The following SEC61A2 variants were observed in gnomAD, a reference collection of about 807,000 sequenced individuals.
The protein encoded by SEC61A2 is protein transport protein Sec61 subunit alpha isoform 2.
In SEC61A2, 28 loss-of-function variants were observed where a neutral mutation model predicts 59.9. That is an observed-to-expected ratio of 0.47 (90% CI 0.35 to 0.64). SEC61A2 has a LOEUF of 0.64. SEC61A2 is among the 30% of genes least tolerant of loss of function. The pLI is 0.01. For missense variants in SEC61A2, 340 were observed against 585.9 expected, an observed-to-expected ratio of 0.58 and a Z score of 4.33; for synonymous variants, 202 against 214.4, an observed-to-expected ratio of 0.94 and a Z score of 0.50.
intron 11 of SEC61A2, among the ~76,000 whole-genome samples, chr10:12,163,708 T>C (rs1213986245): frequency 6.6e-6 from 1 of 152,146 alleles, no homozygotes; most frequent in East Asian, 1.9e-4. Context: ...CCTTAAACTT[T>C]TTATTTATTT....
At chr10:12,148,214 C>A (rs1294900291) in intron 4 of SEC61A2, among the ~76,000 whole-genome samples, 1 of 149,704 alleles carries the variant, frequency 6.7e-6, no homozygotes, top group Non-Finnish European at 1.5e-5. Flanking sequence ...GCTGGGATTA[C>A]AGGCGTGAGC....
At position 12,157,891 on chromosome 10, in the gene SEC61A2, TCC is replaced by T; in HGVS notation, c.778-16_778-15del. ...ATGTGTCTGGCTCCCCCACTTACTC[TCC>T]GTTTCCTTTTTTAGGGATTTCGCGT... On this transcript the variant is annotated splice_polypyrimidine_tract_variant and intron_variant, in intron 8 of 11. Transcript: ENST00000298428. 1 of 1,613,298 alleles carries T rather than the reference TCC, an allele frequency of 6.2e-7. No homozygotes were observed. Among genetic ancestry groups the T allele is most frequent in the Non-Finnish European group, 8.5e-7 (1 of 1,179,306 alleles).
At position 12,164,933 on chromosome 10, in the gene SEC61A2, C is replaced by A; in HGVS notation, c.*479C>A. On this transcript the variant is annotated 3_prime_UTR_variant, in exon 12 of 12. Transcript: ENST00000298428. This position sits in a 1 kb window ranked among gnomAD's most constrained non-coding sequence, Gnocchi z 7.3. ...ACTTTTTTAACTCATGGTATCCCCA[C>A]TCCCCACCCCCACCTCATTTTTATT... 1.0e-6 allele frequency: 1 copy of A among 977,642 alleles called. No individual in the cohort carries two copies. The highest frequency in any genetic ancestry group is 4.7e-5 in the South Asian group (1 of 21,128). The allele number at this position is 977,642 out of a possible 1,614,324, so 60.6% of individuals were successfully genotyped here.
chr10:12,166,472 T>C (rs968381436), downstream of SEC61A2: 12 of 247,688 alleles, frequency 4.8e-5, no homozygotes, highest in African/African-American at 2.7e-4. Context: ...TTGTTTTATC[T>C]TTAGGAAGTC....
At position 12,161,769 on chromosome 10, in the gene SEC61A2, A is replaced by G. The variant is rs879290615; in HGVS notation, c.1168-444A>G. ...ATAAATAAATAAATAGATAAATAAA[A>G]AATTTTTAAAAAAGTAAAATAAAAC... On this transcript the variant is annotated intron_variant, in intron 10 of 11. Coordinates refer to ENST00000298428, the MANE Select transcript of SEC61A2 (RefSeq NM_018144.4). The surrounding 1 kb of genome is among the most constrained non-coding windows in gnomAD (Gnocchi z 5.4). Among the ~76,000 whole-genome samples the G allele has an allele frequency of 2.0e-5, 3 of 152,110 alleles. No individual in the cohort carries two copies. The highest frequency in any genetic ancestry group is 4.4e-5 in the Non-Finnish European group (3 of 68,024).
In SEC61A2 at chr10:12,162,986, CCACACTTTAT is replaced by C. The variant is rs1834564867; in HGVS notation, c.1244+700_1244+709del. Among the ~76,000 whole-genome samples the C allele has an allele frequency of 6.6e-6, 1 of 152,174 alleles. No homozygotes were observed. Among genetic ancestry groups the C allele is most frequent in the Non-Finnish European group, 1.5e-5 (1 of 68,028 alleles). On this transcript the variant is annotated intron_variant, in intron 11 of 11. Transcript: ENST00000298428. The surrounding 1 kb of genome is among the most constrained non-coding windows in gnomAD (Gnocchi z 6.1). ...AATAATATTCAATTGTAGGGCTTTA[CCACACTTTAT>C]CAGTTGATAGAAATCTGGGTTGTTT...
At chr10:12,144,746 G>C (rs779490670) in intron 4 of SEC61A2, among the ~76,000 whole-genome samples, 1 of 152,154 alleles carries the variant, frequency 6.6e-6, no homozygotes, top group Non-Finnish European at 1.5e-5. Flanking sequence ...TGTGCTTGGT[G>C]TGTTCAAAGA....
downstream of SEC61A2, chr10:12,165,684 G>A (rs1037764390): frequency 6.6e-6 from 1 of 152,220 alleles, no homozygotes; most frequent in Admixed American, 6.5e-5. Flanking sequence ...TTTCCCAAAA[G>A]ATCAAACTTA....
Position 12,161,196 on chromosome 10 carries a change from G to C in SEC61A2, c.1167+75G>C. On this transcript the variant is annotated intron_variant, in intron 10 of 11. Coordinates refer to ENST00000298428, the MANE Select transcript of SEC61A2 (RefSeq NM_018144.4). This position sits in a 1 kb window ranked among gnomAD's most constrained non-coding sequence, Gnocchi z 5.4. ...CGCACATCTGTAATCGTAGCACTTT[G>C]GCAGGCTGAGGCCGCTGGATCGCTT... The C allele has an allele frequency of 8.1e-7, 1 of 1,233,938 alleles. No homozygotes were observed. The highest frequency in any genetic ancestry group is 1.1e-6 in the Non-Finnish European group (1 of 882,584). The allele number at this position is 1,233,938 out of a possible 1,614,324, so 76.4% of individuals were successfully genotyped here. A position where few individuals can be genotyped will look rare whatever the true frequency, so the allele number is the denominator to read the frequency against.
intron 6 of SEC61A2, among the ~76,000 whole-genome samples, chr10:12,151,007 C>G (rs1174549720): frequency 6.6e-6 from 1 of 151,864 alleles, no homozygotes; most frequent in Non-Finnish European, 1.5e-5. Context: ...GAACTCCTGA[C>G]CTCGTGATTC....
Position 12,157,948 on chromosome 10 carries a change from G to A in SEC61A2, c.818G>A (p.Arg273Gln). ...VDLPIKSARY[R>Q]GQYSSYPIKL... ...CTGCCCATTAAGTCGGCCCGTTACC[G>A]AGGACAGTACAGCAGCTACCCCATC... The change falls in exon 9 of 12, where the codon CGA becomes CAA. Residue 273 changes from arginine to glutamine, a missense_variant. This residue lies in a region of SEC61A2 where 283 missense variants were observed against 483.2 expected (regional missense o/e 0.59). Coordinates refer to ENST00000298428, the MANE Select transcript of SEC61A2 (RefSeq NM_018144.4). The A allele has an allele frequency of 1.2e-6, 2 of 1,613,910 alleles. No individual in the cohort carries two copies. Among genetic ancestry groups the A allele is most frequent in the Non-Finnish European group, 1.7e-6 (2 of 1,180,010 alleles).
chr10:12,134,909 A>G, intron 2 of SEC61A2, among the ~76,000 whole-genome samples: 1 of 149,594 alleles, frequency 6.7e-6, no homozygotes, highest in African/African-American at 2.5e-5. Context: ...ACAGGGTGAG[A>G]CTCTGTCTCA....
At position 12,164,586 on chromosome 10, in the gene SEC61A2, T is replaced by C. The variant is rs1158623293; in HGVS notation, c.*132T>C. ...TTTCGAGTGCTGACTGACCCGTTTCTGAAATGGGCACCGAGCTAAGTCTGT... is the reference window on the plus strand; with the variant it reads ...TTTCGAGTGCTGACTGACCCGTTTCCGAAATGGGCACCGAGCTAAGTCTGT... On this transcript the variant is annotated 3_prime_UTR_variant, in exon 12 of 12. Coordinates refer to ENST00000298428, the MANE Select transcript of SEC61A2 (RefSeq NM_018144.4). The surrounding 1 kb of genome is among the most constrained non-coding windows in gnomAD (Gnocchi z 7.3). 1.4e-6 allele frequency: 2 copies of C among 1,463,468 alleles called. No individual in the cohort carries two copies. Among genetic ancestry groups the C allele is most frequent in the Non-Finnish European group, 1.8e-6 (2 of 1,113,706 alleles). 90.7% of individuals were successfully genotyped at this position (1,463,468 alleles called of 1,614,324 possible). A position where few individuals can be genotyped will look rare whatever the true frequency, so the allele number is the denominator to read the frequency against.
At chr10:12,131,079 A>T (rs1311309452) in intron 1 of SEC61A2, among the ~76,000 whole-genome samples, 1 of 152,226 alleles carries the variant, frequency 6.6e-6, no homozygotes, top group Non-Finnish European at 1.5e-5. Context: ...AGGCTGAGGC[A>T]GGAGAATCCC....
chr10:12,167,939 T>G (rs1488168446), downstream of SEC61A2: 12 of 1,346,254 alleles, frequency 8.9e-6, no homozygotes, highest in Non-Finnish European at 1.1e-5. Context: ...GTGATAACGT[T>G]TTTTTTGGTC....
rs1350017211 is a variant in SEC61A2 at position 12,160,248 on chromosome 10, A to G, written c.976-682A>G. Among the ~76,000 whole-genome samples the G allele has an allele frequency of 6.6e-6, 1 of 152,194 alleles. No homozygotes were observed. The highest frequency in any genetic ancestry group is 1.5e-5 in the Non-Finnish European group (1 of 68,024). On this transcript the variant is annotated intron_variant, in intron 9 of 11. Transcript: ENST00000298428. The surrounding 1 kb of genome is among the most constrained non-coding windows in gnomAD (Gnocchi z 4.1). ...GAGATAGTGCTTTTGATCTGGGATT[A>G]ATGATTCTAGGGGCACAGTAAAGAA...
At position 12,136,171 on chromosome 10, in the gene SEC61A2, G is replaced by A; in HGVS notation, c.141+1G>A. The A allele has an allele frequency of 6.4e-7, 1 of 1,551,832 alleles. No individual in the cohort carries two copies. Among genetic ancestry groups the A allele is most frequent in the East Asian group, 2.2e-5 (1 of 44,560 alleles). Reference sequence around the variant, plus strand: ...CTTCATTTTCTTAGTGTGTTGTCAGGTATGTAACTATACTATTAAATAAAT... The same window carrying A: ...CTTCATTTTCTTAGTGTGTTGTCAGATATGTAACTATACTATTAAATAAAT... On this transcript the variant is annotated splice_donor_variant, in intron 3 of 11. Transcript: ENST00000298428. LOFTEE classifies it high-confidence loss of function.
intron 8 of SEC61A2, among the ~76,000 whole-genome samples, 179 bp from the exon 9 acceptor site, chr10:12,157,729 C>G (rs1355769541): frequency 2.6e-5 from 4 of 152,126 alleles, no homozygotes; most frequent in African/African-American, 4.8e-5. Flanking sequence ...TCTCGATCTC[C>G]TGACCTCGTG....
chr10:12,147,919 T>C (rs1834180190), intron 4 of SEC61A2, among the ~76,000 whole-genome samples: 2 of 151,950 alleles, frequency 1.3e-5, no homozygotes, highest in Non-Finnish European at 2.9e-5. Context: ...GTGATCTAAC[T>C]TAAGAAATCT....
Sources: allele counts gnomAD v4.1 joint callset (sites outside exome capture counted in the v4.1 genomes callset), GRCh38; gene constraint gnomAD v4.1.1; regional missense constraint gnomAD v4.1.1; non-coding constraint Gnocchi (gnomAD v3.1); transcripts MANE v1.5; gene names NCBI Gene and HGNC (gene_info 2026-07-23, HGNC 2026-07-21).